Variants in SPAG16 observed in about 807,000 individuals in gnomAD.
SPAG16 encodes the protein sperm-associated antigen 16 protein.
In SPAG16, 86 loss-of-function variants were observed where a neutral mutation model predicts 80.4. The ratio of observed to expected loss-of-function variants is 1.07; its 90% CI spans 0.90 to 1.28. The LOEUF (loss-of-function observed/expected upper bound fraction) is 1.28. Among genes scored for constraint, SPAG16 ranks in the 50% most tolerant of loss-of-function variants. SPAG16 has a pLI of 0.00. For missense variants in SPAG16, 870 were observed against 765.3 expected, an observed-to-expected ratio of 1.14 and a Z score of -1.61; for synonymous variants, 294 against 265.9, an observed-to-expected ratio of 1.11 and a Z score of -1.03.
intron 11 of SPAG16, among the ~76,000 whole-genome samples, chr2:213,911,637 A>G (rs969124546): frequency 1.3e-5 from 2 of 152,210 alleles, no homozygotes; most frequent in Admixed American, 1.3e-4. Flanking sequence ...TATTTTTCAT[A>G]AACTGCAAAA....
At chr2:213,982,648 T>TGTGTGA (rs1322839554) in intron 12 of SPAG16, among the ~76,000 whole-genome samples, 11 of 149,288 alleles carry the variant, frequency 7.4e-5, no homozygotes, top group East Asian at 5.9e-4. Flanking sequence ...TGTGTGTGTG[T>TGTGTGA]GAAAGACAGA....
At chr2:214,253,124 C>A (rs144761489) in intron 15 of SPAG16, among the ~76,000 whole-genome samples, 4,067 of 144,984 alleles carry the variant, frequency 0.028, 83 homozygotes, top group Non-Finnish European at 0.042. Context: ...CTGTTCATAT[C>A]CTTCACCCAC....
At chr2:214,399,091 T>C (rs1346004685) in intron 15 of SPAG16, among the ~76,000 whole-genome samples, 6 of 152,174 alleles carry the variant, frequency 3.9e-5, no homozygotes, top group Non-Finnish European at 8.8e-5. Flanking sequence ...CCTGTGGGGC[T>C]TACTCAGGTA....
At chr2:213,965,766 G>A (rs1456115961) in intron 12 of SPAG16, among the ~76,000 whole-genome samples, 1 of 152,036 alleles carries the variant, frequency 6.6e-6, no homozygotes, top group Non-Finnish European at 1.5e-5. Context: ...GCCTCCTTGG[G>A]GACAGCTACA....
At chr2:213,595,342 A>T (rs1033203356) in intron 10 of SPAG16, among the ~76,000 whole-genome samples, 5 of 152,176 alleles carry the variant, frequency 3.3e-5, no homozygotes, top group Admixed American at 2.6e-4. Flanking sequence ...TTCATTAATA[A>T]TATCATTTCT....
chr2:214,325,913 G>A (rs115989117), intron 15 of SPAG16, among the ~76,000 whole-genome samples: 1,604 of 152,264 alleles, frequency 0.011, 14 homozygotes, highest in Non-Finnish European at 0.016. Flanking sequence ...CAATTAAACT[G>A]CCCTCCATGA....
At chr2:213,947,072 A>G (rs930823405) in intron 12 of SPAG16, among the ~76,000 whole-genome samples, 1 of 152,128 alleles carries the variant, frequency 6.6e-6, no homozygotes, top group Non-Finnish European at 1.5e-5. Context: ...TTGTATATAA[A>G]CATCATAGTT....
intron 15 of SPAG16, among the ~76,000 whole-genome samples, chr2:214,230,094 A>G (rs1182783738): frequency 6.6e-6 from 1 of 151,956 alleles, no homozygotes; most frequent in Non-Finnish European, 1.5e-5. Flanking sequence ...ATGTGAAGCA[A>G]TGAAAATAAA....
intron 13 of SPAG16, among the ~76,000 whole-genome samples, chr2:214,024,196 G>A (rs542491332): frequency 4.2e-4 from 64 of 151,536 alleles, no homozygotes; most frequent in African/African-American, 1.4e-3. Context: ...TTCTAGGATT[G>A]GAAGGAACAA....
chr2:213,711,619 A>C (rs1003762573), intron 10 of SPAG16, among the ~76,000 whole-genome samples: 2 of 151,634 alleles, frequency 1.3e-5, no homozygotes, highest in African/African-American at 4.8e-5. Flanking sequence ...CCTCAGGTTC[A>C]AGCAATTCAC....
intron 13 of SPAG16, among the ~76,000 whole-genome samples, chr2:214,042,925 G>T (rs1256466291): frequency 6.6e-6 from 1 of 152,106 alleles, no homozygotes; most frequent in Non-Finnish European, 1.5e-5. Flanking sequence ...TATATTGGTT[G>T]TTAACAGAAG....
chr2:213,392,718 G>A (rs887410072), intron 9 of SPAG16, among the ~76,000 whole-genome samples: 20 of 151,870 alleles, frequency 1.3e-4, no homozygotes, highest in Non-Finnish European at 2.8e-4. Flanking sequence ...GTGGTGGCGG[G>A]TGCCTGTAAT....
At chr2:213,544,828 C>A (rs532482177) in intron 10 of SPAG16, among the ~76,000 whole-genome samples, 2 of 152,010 alleles carry the variant, frequency 1.3e-5, no homozygotes, top group South Asian at 4.2e-4. Context: ...TTGAAGTTTT[C>A]TCCGTTTCTT....
intron 15 of SPAG16, among the ~76,000 whole-genome samples, chr2:214,276,929 A>T (rs1330082449): frequency 2.6e-5 from 4 of 151,576 alleles, no homozygotes; most frequent in Non-Finnish European, 5.9e-5. Context: ...CAGATACACT[A>T]ATCAAACATA....
At chr2:213,603,546 A>G (rs776134927) in intron 10 of SPAG16, among the ~76,000 whole-genome samples, 3 of 152,234 alleles carry the variant, frequency 2.0e-5, no homozygotes, top group Non-Finnish European at 4.4e-5. Context: ...ATATTCACTA[A>G]AAGAGATTTA....
intron 10 of SPAG16, among the ~76,000 whole-genome samples, chr2:213,657,183 A>T (rs2063251564): frequency 1.3e-5 from 2 of 152,194 alleles, no homozygotes; most frequent in Admixed American, 1.3e-4. Context: ...TCATGTTAAA[A>T]ACTTAAAATT....
chr2:213,762,353 G>A (rs764378559), intron 10 of SPAG16, among the ~76,000 whole-genome samples: 2 of 152,080 alleles, frequency 1.3e-5, no homozygotes, highest in Non-Finnish European at 2.9e-5. Context: ...AAAATAGGCT[G>A]ATAAATTATA....
At chr2:214,130,562 T>C (rs1413587655) in intron 14 of SPAG16, among the ~76,000 whole-genome samples, 1 of 152,218 alleles carries the variant, frequency 6.6e-6, no homozygotes, top group Non-Finnish European at 1.5e-5. Context: ...TAAGCTTCAA[T>C]TTTTACTTCA....
chr2:213,703,773 C>T (rs1400917578), intron 10 of SPAG16, among the ~76,000 whole-genome samples: 3 of 152,224 alleles, frequency 2.0e-5, no homozygotes, highest in Admixed American at 6.5e-5. Context: ...CATTTCTTTT[C>T]AACAGGGGAC....
Sources: gnomAD v4.1 joint callset for allele counts (sites outside exome capture counted in the v4.1 genomes callset) on GRCh38, gnomAD v4.1.1 for gene constraint, MANE v1.5 for transcripts, NCBI Gene and HGNC (gene_info 2026-07-23, HGNC 2026-07-21) for gene names.